The following GPC5 variants were observed in gnomAD, a reference collection of about 807,000 sequenced individuals.
GPC5 encodes the protein glypican-5.
A neutral mutation model predicts 53.9 loss-of-function variants in GPC5; 47 were observed. That is an observed-to-expected ratio of 0.87 (90% CI 0.69 to 1.11). The LOEUF is 1.11. Among genes scored for constraint, GPC5 ranks in the 50% most tolerant of loss-of-function variants. GPC5 has a pLI of 0.00. For synonymous variants in GPC5, 286 were observed against 263.3 expected, an observed-to-expected ratio of 1.09 and a Z score of -0.84; for missense variants, 748 against 713.1, an observed-to-expected ratio of 1.05 and a Z score of -0.56.
intron 7 of GPC5, among the ~76,000 whole-genome samples, chr13:92,742,739 A>T (rs1889138488): frequency 6.6e-6 from 1 of 152,192 alleles, no homozygotes; most frequent in South Asian, 2.1e-4. Flanking sequence ...TCTTTAATCC[A>T]TCTTGAATTA....
chr13:92,613,071 C>T (rs185981091), intron 7 of GPC5, among the ~76,000 whole-genome samples: 153 of 150,634 alleles, frequency 1.0e-3, no homozygotes, highest in Non-Finnish European at 1.7e-3. Flanking sequence ...TCTAACTTTA[C>T]CTAAATGATC....
intron 2 of GPC5, 131 bp from the exon 3 acceptor site, chr13:91,693,056 G>A (rs745742029): frequency 8.7e-6 from 6 of 688,570 alleles, no homozygotes; most frequent in Non-Finnish European, 1.5e-5. Flanking sequence ...GCTGAATTTG[G>A]TTGAGTAGGC....
intron 2 of GPC5, among the ~76,000 whole-genome samples, chr13:91,551,689 T>C (rs1015341261): frequency 6.6e-6 from 1 of 152,110 alleles, no homozygotes; most frequent in Non-Finnish European, 1.5e-5. Flanking sequence ...TGACCTTTGT[T>C]TCTTTTCTGT....
At chr13:91,456,208 G>A (rs985526214) in intron 2 of GPC5, among the ~76,000 whole-genome samples, 1 of 152,094 alleles carries the variant, frequency 6.6e-6, no homozygotes, top group African/African-American at 2.4e-5. Flanking sequence ...CCTGTTGTCT[G>A]TTAGATATTT....
Position 91,999,094 on chromosome 13 carries a change from C to T in GPC5, c.1401+91037C>T, listed in dbSNP as rs555573538. 1.5e-3 allele frequency among the ~76,000 whole-genome samples: 228 copies of T among 152,222 alleles called. 1 individual carries two copies. The Middle Eastern group carries it at 0.051, about 34-fold the overall frequency. The stretch of plus-strand genomic sequence containing the variant: ...TGAACTTTACAGTCTGTATCTCTGG[C>T]TATGGTTTGTAGTTGCATTTTTCTC... On this transcript the variant is annotated intron_variant, in intron 6 of 7. Coordinates refer to ENST00000377067, the MANE Select transcript of GPC5 (RefSeq NM_004466.6).
rs554554057 is a variant in GPC5, at chr13:92,035,729, G to A, written c.1402-109101G>A. Among the ~76,000 whole-genome samples, 3 of 146,208 alleles carry A rather than the reference G, an allele frequency of 2.1e-5. No homozygotes were observed. The East Asian group carries it at 5.9e-4, about 29-fold the overall frequency. ...TTTCTTAAAATGTATTGCTAGCATG[G>A]CAGATGTTTCTTTCTGAGGAAATGT... On this transcript the variant is annotated intron_variant, in intron 6 of 7. Transcript: ENST00000377067.
chr13:92,743,270 G>A (rs1013240536), intron 7 of GPC5, among the ~76,000 whole-genome samples: 1 of 152,106 alleles, frequency 6.6e-6, no homozygotes, highest in East Asian at 1.9e-4. Context: ...TTGAGCAGTG[G>A]TTTGTAGTTC....
intron 1 of GPC5, among the ~76,000 whole-genome samples, chr13:91,417,914 T>C (rs1185440890): frequency 1.3e-5 from 2 of 152,166 alleles, no homozygotes; most frequent in Non-Finnish European, 2.9e-5. Context: ...GGTTTTACTT[T>C]CTGAGGTTTC....
intron 5 of GPC5, among the ~76,000 whole-genome samples, chr13:91,852,104 T>A (rs1268150793): frequency 6.6e-6 from 1 of 152,060 alleles, no homozygotes; most frequent in Non-Finnish European, 1.5e-5. Context: ...TGAACTAGTT[T>A]ACAGTCCCAC....
chr13:92,347,859 A>AT lies in GPC5; in HGVS notation c.1561+202871dup, dbSNP rs2043427618. On this transcript the variant is annotated intron_variant, in intron 7 of 7. Coordinates refer to ENST00000377067, the MANE Select transcript of GPC5 (RefSeq NM_004466.6). ...TTGAAATAGGCTGTTTTATACATAT[A>AT]TATATTATATATATAATATATATTA... Among the ~76,000 whole-genome samples, 2 of 16,678 alleles carry AT rather than the reference A, an allele frequency of 1.2e-4. 1 individual carries two copies. Among genetic ancestry groups the AT allele is most frequent in the African/African-American group, 1.3e-3 (2 of 1,574 alleles). The allele number at this position is 16,678 out of a possible 152,430, so 10.9% of individuals were successfully genotyped here. A position where few individuals can be genotyped will look rare whatever the true frequency, so the allele number is the denominator to read the frequency against.
At chr13:92,737,146 G>C (rs1307985067) in intron 7 of GPC5, among the ~76,000 whole-genome samples, 1 of 151,970 alleles carries the variant, frequency 6.6e-6, no homozygotes, top group African/African-American at 2.4e-5. Flanking sequence ...TCTCCAACTA[G>C]ATTACTGACA....
intron 7 of GPC5, among the ~76,000 whole-genome samples, chr13:92,538,167 T>C (rs552536780): frequency 1.3e-5 from 2 of 152,240 alleles, no homozygotes; most frequent in East Asian, 1.9e-4. Context: ...CTAGTCTGTT[T>C]AGAGTAACCA....
At position 91,693,731 on chromosome 13, in the gene GPC5, A is replaced by G. The variant is rs1294831899; in HGVS notation, c.870A>G (p.Pro290=). ...GCLAHMAELN[P]HWHAYIRSLE... ...TGGCGCACATGGCGGAGCTTAATCC[A>G]CACTGGCATGCATATATCCGGTCGT... Residue 290 remains proline (P), a synonymous_variant, in exon 3 of 8, where the codon CCA becomes CCG. Transcript: ENST00000377067. 1.9e-6 allele frequency: 3 copies of G among 1,614,160 alleles called. No homozygotes were observed. The highest frequency in any genetic ancestry group is 1.7e-6 in the Non-Finnish European group (2 of 1,180,022).
chr13:91,970,286 G>T (rs530074467), intron 6 of GPC5, among the ~76,000 whole-genome samples: 11 of 152,094 alleles, frequency 7.2e-5, no homozygotes, highest in Non-Finnish European at 1.0e-4. Flanking sequence ...ATGGAAGAGT[G>T]GGGAATGGGG....
chr13:91,829,064 G>C (rs1273048215), intron 5 of GPC5, among the ~76,000 whole-genome samples: 2 of 151,994 alleles, frequency 1.3e-5, no homozygotes, highest in African/African-American at 2.4e-5. Context: ...GTTGTGTTCA[G>C]CACTTTAATC....
At chr13:92,858,493 A>G (rs1879078649) in intron 7 of GPC5, among the ~76,000 whole-genome samples, 2 of 152,202 alleles carry the variant, frequency 1.3e-5, no homozygotes, top group Admixed American at 1.3e-4. Context: ...AAAAAATGAC[A>G]TAGTGTCCTT....
At chr13:92,432,018 A>G (rs1877109371) in intron 7 of GPC5, among the ~76,000 whole-genome samples, 1 of 152,186 alleles carries the variant, frequency 6.6e-6, no homozygotes, top group Admixed American at 6.5e-5. Context: ...TTAAAGCCCC[A>G]ATGTGATTGT....
chr13:91,876,402 T>C (rs1370594201), intron 5 of GPC5, among the ~76,000 whole-genome samples: 1 of 152,136 alleles, frequency 6.6e-6, no homozygotes, highest in Admixed American at 6.5e-5. Flanking sequence ...AAAATGCTGG[T>C]AGCAATACAG....
chr13:92,357,368 A>C (rs907561315), intron 7 of GPC5, among the ~76,000 whole-genome samples: 2 of 151,494 alleles, frequency 1.3e-5, no homozygotes, highest in African/African-American at 4.9e-5. Context: ...CTGCAACCTA[A>C]CTAGCATCTG....
Sources: gnomAD v4.1 joint callset for allele counts (sites outside exome capture counted in the v4.1 genomes callset) on GRCh38, gnomAD v4.1.1 for gene constraint, MANE v1.5 for transcripts, NCBI Gene and HGNC (gene_info 2026-07-23, HGNC 2026-07-21) for gene names.